The following ST8SIA2 variants were observed in gnomAD, a reference collection of about 807,000 sequenced individuals.
ST8SIA2 encodes the protein ST8 alpha-N-acetyl-neuraminide alpha-2,8-sialyltransferase 2, also known as alpha-2,8-sialyltransferase 8B.
A neutral mutation model predicts 37.6 loss-of-function variants in ST8SIA2; 22 were observed. That is an observed-to-expected ratio of 0.58 (90% CI 0.42 to 0.83). ST8SIA2 has a LOEUF of 0.83. Among genes scored for constraint, ST8SIA2 ranks in the 40% least tolerant of loss-of-function variants. The pLI is 0.00. For synonymous variants in ST8SIA2, 205 were observed against 201.2 expected (o/e 1.02, Z -0.16); for missense variants, 382 against 484.7 (o/e 0.79, Z 1.99).
chr15:92,397,887 C>G (rs562701854), intron 1 of ST8SIA2, among the ~76,000 whole-genome samples: 6 of 152,326 alleles, frequency 3.9e-5, no homozygotes, highest in Non-Finnish European at 5.9e-5. Flanking sequence ...AATCCCAACA[C>G]TTTGGGAGGC....
chr15:92,453,112 G>C (rs1242294165), intron 5 of ST8SIA2, among the ~76,000 whole-genome samples: 1 of 152,110 alleles, frequency 6.6e-6, no homozygotes, highest in African/African-American at 2.4e-5. Context: ...CAGATGAGGA[G>C]AGGAAGGAAG....
At chr15:92,424,351 T>C (rs1190849739) in intron 1 of ST8SIA2, among the ~76,000 whole-genome samples, 1 of 152,132 alleles carries the variant, frequency 6.6e-6, no homozygotes, top group East Asian at 1.9e-4. Flanking sequence ...ATGTACCCCA[T>C]AAATATACAC....
chr15:92,463,659 A>G (rs1346251047), intron 5 of ST8SIA2, among the ~76,000 whole-genome samples: 2 of 152,208 alleles, frequency 1.3e-5, no homozygotes, highest in African/African-American at 2.4e-5. Context: ...CAGCTACACA[A>G]CGGTCAAGTA....
At chr15:92,419,954 C>G (rs2049620185) in intron 1 of ST8SIA2, among the ~76,000 whole-genome samples, 1 of 152,174 alleles carries the variant, frequency 6.6e-6, no homozygotes, top group Non-Finnish European at 1.5e-5. Context: ...CAACCTCCGC[C>G]TCCTGAGTTC....
At chr15:92,430,718 C>G (rs1172367838) in intron 2 of ST8SIA2, among the ~76,000 whole-genome samples, 1 of 152,166 alleles carries the variant, frequency 6.6e-6, no homozygotes, top group African/African-American at 2.4e-5. Context: ...GCTTCTGAGT[C>G]CCCATTCTCC....
chr15:92,438,201 C>A, intron 3 of ST8SIA2, 152 bp from the exon 4 acceptor site: 1 of 1,177,098 alleles, frequency 8.5e-7, no homozygotes, highest in Non-Finnish European at 1.3e-6. Flanking sequence ...CTGGCTGGAA[C>A]CTGTTCTCGA....
rs2049737214 is a variant in ST8SIA2, at chr15:92,434,137, C to A, written c.162-110C>A. The A allele has an allele frequency of 4.6e-6, 7 of 1,509,208 alleles. No individual in the cohort carries two copies. In the South Asian group the frequency reaches 6.8e-5, roughly 15 times the overall value. The allele number at this position is 1,509,208 out of a possible 1,614,324, so 93.5% of individuals were successfully genotyped here. ...TTCTCAGGTAATAACTGCAATTTTG[C>A]TCTTCTGGAGAAGTTTACATTCAAG... On this transcript the variant is annotated intron_variant, in intron 2 of 5. Transcript: ENST00000268164.
intron 1 of ST8SIA2, among the ~76,000 whole-genome samples, chr15:92,417,049 A>G (rs1247008719): frequency 1.3e-5 from 2 of 152,260 alleles, no homozygotes; most frequent in African/African-American, 4.8e-5. Context: ...TCCAAAGGGC[A>G]GTAGCCATCA....
chr15:92,442,652 T>C (rs8030186), intron 4 of ST8SIA2, among the ~76,000 whole-genome samples: 3 of 151,894 alleles, frequency 2.0e-5, no homozygotes. Context: ...AACTGAGACC[T>C]GAGCAGCCCC....
rs2049980191 is a variant in ST8SIA2, at chr15:92,464,637, C to T, written c.*252C>T. The T allele has an allele frequency of 1.9e-6, 1 of 537,650 alleles. No homozygotes were observed. The highest frequency in any genetic ancestry group is 3.3e-6 in the Non-Finnish European group (1 of 301,014). 33.3% of individuals were successfully genotyped at this position (537,650 alleles called of 1,614,324 possible). A position where few individuals can be genotyped will look rare whatever the true frequency, so the allele number is the denominator to read the frequency against. On this transcript the variant is annotated 3_prime_UTR_variant, in exon 6 of 6. Coordinates refer to ENST00000268164, the MANE Select transcript of ST8SIA2 (RefSeq NM_006011.4). Reference sequence around the variant, plus strand: ...AGAAGGTGTGGAGAACCCACCTGAACCAGATTGAGACTCAATCCATCTTTG... The same window carrying T: ...AGAAGGTGTGGAGAACCCACCTGAATCAGATTGAGACTCAATCCATCTTTG...
chr15:92,444,490 G>A, intron 4 of ST8SIA2, 146 bp from the exon 5 acceptor site: 2 of 913,414 alleles, frequency 2.2e-6, no homozygotes, highest in South Asian at 3.0e-5. Flanking sequence ...AGGATGATGG[G>A]AGGGGCCTGT....
At chr15:92,437,409 C>A (rs2049766549) in intron 3 of ST8SIA2, among the ~76,000 whole-genome samples, 1 of 152,210 alleles carries the variant, frequency 6.6e-6, no homozygotes, top group African/African-American at 2.4e-5. Context: ...CCTTTCCTGA[C>A]CCCACTCCAT....
At chr15:92,447,729 A>C (rs577336245) in intron 5 of ST8SIA2, among the ~76,000 whole-genome samples, 1 of 152,328 alleles carries the variant, frequency 6.6e-6, no homozygotes, top group East Asian at 1.9e-4. Context: ...CGAGAGAGAC[A>C]TTCGATAAGG....
intron 2 of ST8SIA2, 117 bp from the exon 3 acceptor site, chr15:92,434,130 A>G (rs2049737107): frequency 7.0e-7 from 1 of 1,436,330 alleles, no homozygotes; most frequent in Non-Finnish European, 9.7e-7. Context: ...TAATAACTGC[A>G]ATTTTGCTCT....
At chr15:92,436,216 G>GACATATATT in intron 3 of ST8SIA2, among the ~76,000 whole-genome samples, 2 of 152,196 alleles carry the variant, frequency 1.3e-5, no homozygotes, top group Middle Eastern at 6.8e-3. Context: ...TTAGGAGGTG[G>GACATATATT]GCATATATTT....
intron 2 of ST8SIA2, 36 bp downstream of exon 2, chr15:92,430,147 C>A: frequency 6.3e-7 from 1 of 1,599,370 alleles, no homozygotes; most frequent in Non-Finnish European, 8.6e-7. Flanking sequence ...TTTGTTTTTG[C>A]TGTAAGGCAG....
chr15:92,453,921 G>A (rs375026509), intron 5 of ST8SIA2, among the ~76,000 whole-genome samples: 6 of 152,244 alleles, frequency 3.9e-5, no homozygotes, highest in Admixed American at 6.5e-5. Context: ...GATTCCTTCC[G>A]GACGCTGGGA....
rs550855453 is a variant in ST8SIA2, at chr15:92,459,747, T to C, written c.843-4353T>C. ...CTGAGTAGCTGGGATTACAGGTGCA[T>C]GCCTCCACGCCCAACTAATTTTTGT... On this transcript the variant is annotated intron_variant, in intron 5 of 5. Transcript: ENST00000268164. Among the ~76,000 whole-genome samples, 487 of 152,304 alleles carry C rather than the reference T, an allele frequency of 3.2e-3. 2 individuals carry two copies. Among genetic ancestry groups the C allele is most frequent in the African/African-American group, 0.011 (452 of 41,564 alleles).
chr15:92,457,985 T>C (rs1025034084), intron 5 of ST8SIA2, among the ~76,000 whole-genome samples: 2 of 152,240 alleles, frequency 1.3e-5, no homozygotes, highest in African/African-American at 4.8e-5. Context: ...TACAAAGCTG[T>C]GTGCACTGCT....
Sources: gnomAD v4.1 joint callset for allele counts (sites outside exome capture counted in the v4.1 genomes callset) on GRCh38, gnomAD v4.1.1 for gene constraint, MANE v1.5 for transcripts, NCBI Gene and HGNC (gene_info 2026-07-23, HGNC 2026-07-21) for gene names.